ITPR1: variants seen among roughly 807,000 people sequenced by gnomAD.
ITPR1 encodes inositol 1,4,5-trisphosphate-gated calcium channel ITPR1.
Under a neutral mutation model 318.4 loss-of-function variants are expected in ITPR1, and 96 were observed. The ratio of observed to expected loss-of-function variants is 0.30; its 90% CI spans 0.26 to 0.36. ITPR1 has a LOEUF of 0.36. Ranked by LOEUF, ITPR1 falls within the 10% of genes least tolerant of loss-of-function variation. The probability of loss-of-function intolerance (pLI) is 1.00; values close to 1 mark genes in which losing one functional copy is unlikely to be tolerated. For synonymous variants in ITPR1, 1,312 were observed against 1,289.9 expected, an observed-to-expected ratio of 1.02 and a Z score of -0.37; for missense variants, 2,440 against 3,460.2, an observed-to-expected ratio of 0.71 and a Z score of 7.40.
At chr3:4,824,008 G>A (rs1216104853) in intron 60 of ITPR1, among the ~76,000 whole-genome samples, 26 of 152,226 alleles carry the variant, frequency 1.7e-4, no homozygotes, top group Admixed American at 9.2e-4. Context: ...ATATAAAGAC[G>A]GCCTGATCAG....
At chr3:4,656,130 G>A (rs2093703258) in intron 12 of ITPR1, among the ~76,000 whole-genome samples, 1 of 152,230 alleles carries the variant, frequency 6.6e-6, no homozygotes, top group Admixed American at 6.5e-5. Context: ...CCGCTCCTCT[G>A]CCAGGCTTCT....
In ITPR1 at chr3:4,683,705, C is replaced by T. The variant is rs772963143; in HGVS notation, c.3405C>T (p.Ile1135=). 8.1e-6 allele frequency: 13 copies of T among 1,613,854 alleles called. No individual in the cohort carries two copies. Among genetic ancestry groups the T allele is most frequent in the Middle Eastern group, 1.6e-4 (1 of 6,084 alleles). The stretch of plus-strand genomic sequence containing the variant: ...AAGACTTGGATCAACTGAGGTCCAT[C>T]GTGGAAAAGTCAGAGCTTTGGGTGT... The part of the protein sequence containing the change: ...IKQDLDQLRS[I]VEKSELWVYK... The change falls in exon 28 of 62, where the codon ATC becomes ATT. Residue 1135 remains isoleucine (I), a synonymous_variant. Coordinates refer to ENST00000649015, the MANE Select transcript of ITPR1 (RefSeq NM_001378452.1).
Position 4,814,433 on chromosome 3 carries a change from T to C in ITPR1, c.7572T>C (p.Pro2524=). 1 of 1,613,976 alleles carries C rather than the reference T, an allele frequency of 6.2e-7. No homozygotes were observed. ...TTGCCGTGTTCACAGAGCTGGTCCC[T>C]GCAGAAGAGACGGAACAGGATAAAG... ...SSPAPREELV[P]AEETEQDKEH... is the part of the protein sequence containing the mutation. Residue 2524 remains proline (P), a synonymous_variant, in exon 58 of 62, where the codon CCT becomes CCC. Coordinates refer to ENST00000649015, the MANE Select transcript of ITPR1 (RefSeq NM_001378452.1).
At chr3:4,615,833 T>A (rs2092366906) in intron 4 of ITPR1, among the ~76,000 whole-genome samples, 1 of 152,076 alleles carries the variant, frequency 6.6e-6, no homozygotes, top group Non-Finnish European at 1.5e-5. Context: ...TGGTGAGTGG[T>A]GGACCTGCAA....
chr3:4,716,826 A>G (rs143591110), intron 39 of ITPR1, among the ~76,000 whole-genome samples: 66 of 152,322 alleles, frequency 4.3e-4, no homozygotes, highest in African/African-American at 1.5e-3. Flanking sequence ...ATCATCCTAG[A>G]GGGAATATAG....
intron 4 of ITPR1, among the ~76,000 whole-genome samples, chr3:4,560,357 C>A (rs1449233251): frequency 2.0e-5 from 3 of 151,422 alleles, no homozygotes; most frequent in African/African-American, 7.3e-5. Flanking sequence ...ATTTTTTAAA[C>A]AAAATTGTAA....
At chr3:4,554,699 A>G (rs1371242658) in intron 4 of ITPR1, among the ~76,000 whole-genome samples, 2 of 120,546 alleles carry the variant, frequency 1.7e-5, no homozygotes, top group African/African-American at 5.2e-5. Flanking sequence ...TAGAATCATG[A>G]TGGGGGCCAG....
intron 44 of ITPR1, among the ~76,000 whole-genome samples, chr3:4,752,046 C>T (rs1440221013): frequency 6.6e-6 from 1 of 152,178 alleles, no homozygotes; most frequent in Non-Finnish European, 1.5e-5. Context: ...GGGTTTTAGA[C>T]TTTTGATCAA....
intron 60 of ITPR1, chr3:4,825,975 G>A (rs151208567): frequency 1.7e-4 from 61 of 360,628 alleles, no homozygotes; most frequent in East Asian, 1.5e-3. Context: ...ATCATGGGGC[G>A]TCTCACTTTA....
intron 60 of ITPR1, among the ~76,000 whole-genome samples, chr3:4,835,603 G>C (rs1288408301): frequency 1.3e-5 from 2 of 152,110 alleles, no homozygotes; most frequent in East Asian, 1.9e-4. Context: ...ATTTGTTTTA[G>C]AAAGACCATT....
At position 4,826,155 on chromosome 3, in the gene ITPR1, A is replaced by G. The variant is rs1010713487; in HGVS notation, c.8028+7913A>G. ...TGGCTGTTGATAAAGTGCCGTGGAC[A>G]CCTTCTGCTTCGTGCAGATGCACGA... is the stretch of plus-strand genomic sequence containing the variant. On this transcript the variant is annotated intron_variant, in intron 60 of 61. Coordinates refer to ENST00000649015, the MANE Select transcript of ITPR1 (RefSeq NM_001378452.1). This position sits in a 1 kb window ranked among gnomAD's most constrained non-coding sequence, Gnocchi z 4.2. Among the ~76,000 whole-genome samples, 1 of 152,224 alleles carries G rather than the reference A, an allele frequency of 6.6e-6. No homozygotes were observed. Among genetic ancestry groups the G allele is most frequent in the African/African-American group, 2.4e-5 (1 of 41,452 alleles).
intron 50 of ITPR1, among the ~76,000 whole-genome samples, chr3:4,783,487 C>T (rs1443619833): frequency 6.6e-6 from 1 of 152,220 alleles, no homozygotes; most frequent in Non-Finnish European, 1.5e-5. Flanking sequence ...TCCATGACCA[C>T]ATCTGCCACC....
intron 44 of ITPR1, among the ~76,000 whole-genome samples, chr3:4,745,541 A>C (rs899866733): frequency 1.1e-4 from 16 of 152,232 alleles, no homozygotes; most frequent in African/African-American, 2.9e-4. Flanking sequence ...AGTGGTAAAC[A>C]CAGGGACTTC....
At chr3:4,630,118 A>G (rs1178989912) in intron 5 of ITPR1, among the ~76,000 whole-genome samples, 1 of 152,226 alleles carries the variant, frequency 6.6e-6, no homozygotes, top group African/African-American at 2.4e-5. Context: ...GTAATAAATT[A>G]TATAGTAAAT....
rs958675004 is a variant in ITPR1 at position 4,578,257 on chromosome 3, A to T, written c.164-49506A>T. Among the ~76,000 whole-genome samples, 4 of 152,258 alleles carry T rather than the reference A, an allele frequency of 2.6e-5. No individual in the cohort carries two copies. The East Asian group carries it at 5.8e-4, about 22-fold the overall frequency. On this transcript the variant is annotated intron_variant, in intron 4 of 61. Transcript: ENST00000649015. Reference sequence around the variant, plus strand: ...TAAATTATGTAAGATTCTATAGAAAACATTTTTTTTCTGCCACTTTTTTTA... The same window carrying T: ...TAAATTATGTAAGATTCTATAGAAATCATTTTTTTTCTGCCACTTTTTTTA...
At chr3:4,755,561 C>G (rs2044909752) in intron 44 of ITPR1, among the ~76,000 whole-genome samples, 1 of 152,054 alleles carries the variant, frequency 6.6e-6, no homozygotes, top group Non-Finnish European at 1.5e-5. Flanking sequence ...TTTAATAGAA[C>G]AGGTTGGACT....
chr3:4,511,544 T>G (rs1341713014), intron 2 of ITPR1, among the ~76,000 whole-genome samples: 1 of 152,218 alleles, frequency 6.6e-6, no homozygotes, highest in Non-Finnish European at 1.5e-5. Flanking sequence ...TACTATTATA[T>G]ATTGGTGGCA....
intron 37 of ITPR1, among the ~76,000 whole-genome samples, chr3:4,707,616 T>TCAGTGAAAGGGATGTCAGTGTCA: frequency 1.3e-5 from 2 of 152,258 alleles, no homozygotes; most frequent in East Asian, 3.9e-4. Flanking sequence ...AGACCATCAT[T>TCAGTGAAAGGGATGTCAGTGTCA]CAGTGAAAGG....
chr3:4,673,361 G>C lies in ITPR1; in HGVS notation c.2430G>C (p.Glu810Asp). 1 of 1,610,138 alleles carries C rather than the reference G, an allele frequency of 6.2e-7. No homozygotes were observed. Among genetic ancestry groups the C allele is most frequent in the Middle Eastern group, 1.7e-4 (1 of 6,048 alleles). Reference protein sequence around the residue: ...TPVKYARLWSEIPSEIAIDDY... With the variant: ...TPVKYARLWSDIPSEIAIDDY... ...TGAAATATGCCCGCCTCTGGTCGGA[G>C]ATTCCCTCGGAGATCGCCATTGACG... Residue 810 changes from glutamate to aspartate, a missense_variant, in exon 21 of 62, where the codon GAG becomes GAC. Physicochemically the swap from Glu to Asp is conservative, Grantham distance 45. Around this residue, in one of 23 missense-constraint regions of ITPR1, gnomAD observed 478 missense variants for 696.3 expected, o/e 0.69. Coordinates refer to ENST00000649015, the MANE Select transcript of ITPR1 (RefSeq NM_001378452.1).
Sources: gnomAD v4.1 joint callset for allele counts (sites outside exome capture counted in the v4.1 genomes callset) on GRCh38, gnomAD v4.1.1 for gene constraint, gnomAD v4.1.1 regional missense constraint, Gnocchi (gnomAD v3.1) non-coding constraint, MANE v1.5 for transcripts, NCBI Gene and HGNC (gene_info 2026-07-23, HGNC 2026-07-21) for gene names.